GGACT: variants seen among roughly 807,000 people sequenced by gnomAD.
The protein encoded by GGACT is gamma-glutamylaminecyclotransferase.
For missense variants in GGACT, 241 were observed against 233.2 expected (o/e 1.03, Z -0.22); for synonymous variants, 118 against 115.3 (o/e 1.02, Z -0.15).
intron 2 of GGACT, among the ~76,000 whole-genome samples, chr13:100,553,146 G>A (rs1291565481): frequency 2.6e-5 from 4 of 152,202 alleles, no homozygotes; most frequent in South Asian, 4.1e-4. Flanking sequence ...AGAGCCGTTC[G>A]AGGGCACTAC....
Position 100,532,180 on chromosome 13 carries a change from C to G in GGACT, c.412G>C (p.Asp138His). 1.4e-6 allele frequency: 2 copies of G among 1,466,106 alleles called. No individual in the cohort carries two copies. The highest frequency in any genetic ancestry group is 1.8e-6 in the Non-Finnish European group (2 of 1,102,708). The allele number at this position is 1,466,106 out of a possible 1,614,324, so 90.8% of individuals were successfully genotyped here. A position where few individuals can be genotyped will look rare whatever the true frequency, so the allele number is the denominator to read the frequency against. The stretch of plus-strand genomic sequence containing the variant: ...CGCAGCCCGTGCGGCCCCTCGGAGT[C>G]GTAGCTGTCATGGTGCGGGAGCTGG... ...WAQLPHHDSY[D>H]SEGPHGLRYN... is the part of the protein sequence containing the mutation. Residue 138 changes from aspartate (D) to histidine (H), a missense_variant, in exon 3 of 3, where the codon GAC becomes CAC. Physicochemically the swap from Asp to His is moderately conservative, Grantham distance 81. Transcript: ENST00000683975.
At chr13:100,581,118 A>G (rs1875405005) in intron 2 of GGACT, among the ~76,000 whole-genome samples, 1 of 152,254 alleles carries the variant, frequency 6.6e-6, no homozygotes, top group African/African-American at 2.4e-5. Context: ...AGAAGTATTT[A>G]GTGATATGTG....
chr13:100,587,004 T>A (rs1465426773), intron 1 of GGACT: 1 of 152,190 alleles, frequency 6.6e-6, no homozygotes, highest in Admixed American at 6.5e-5. Flanking sequence ...AAATTCCTAA[T>A]AGAGTTTGCC....
chr13:100,532,012 C>G lies in GGACT; in HGVS notation c.*118G>C. ...ATCAGCTGCCACTGAAAGATTGGTT[C>G]CTTTCCGGCAGATTCATTGGAAAGG... On this transcript the variant is annotated 3_prime_UTR_variant, in exon 3 of 3. Transcript: ENST00000683975. 1.6e-6 allele frequency: 1 copy of G among 616,688 alleles called. No homozygotes were observed. Among genetic ancestry groups the G allele is most frequent in the Non-Finnish European group, 2.5e-6 (1 of 399,366 alleles). 38.2% of individuals were successfully genotyped at this position (616,688 alleles called of 1,614,324 possible).
intron 2 of GGACT, chr13:100,539,318 C>T (rs898538263): frequency 1.3e-5 from 2 of 152,436 alleles, no homozygotes; most frequent in African/African-American, 4.8e-5. Flanking sequence ...TCTGGCATCA[C>T]TGAGTATCAT....
At chr13:100,548,050 C>A (rs537992933) in intron 2 of GGACT, among the ~76,000 whole-genome samples, 20 of 152,352 alleles carry the variant, frequency 1.3e-4, no homozygotes, top group African/African-American at 4.3e-4. Flanking sequence ...TGTGGCTTGT[C>A]CCAGCCCGCT....
chr13:100,551,320 A>T (rs1397669790), intron 2 of GGACT, among the ~76,000 whole-genome samples: 1 of 152,088 alleles, frequency 6.6e-6, no homozygotes, highest in Non-Finnish European at 1.5e-5. Context: ...ATATATACAC[A>T]GACAGGATAA....
chr13:100,555,743 C>A (rs1462765195), intron 2 of GGACT, among the ~76,000 whole-genome samples: 1 of 152,002 alleles, frequency 6.6e-6, no homozygotes, highest in Admixed American at 6.6e-5. Context: ...GAGTCTTGAA[C>A]AAATACTAAC....
chr13:100,567,219 T>C (rs1279886700), intron 2 of GGACT, among the ~76,000 whole-genome samples: 2 of 152,254 alleles, frequency 1.3e-5, no homozygotes, highest in Non-Finnish European at 2.9e-5. Flanking sequence ...CCCTTTATAG[T>C]TAAGCATTTT....
chr13:100,532,413 C>G lies in GGACT; in HGVS notation c.179G>C (p.Gly60Ala). ...IPWLLHLPGS[G>A]RLVEGEVYAV... ...GTAGACCTCGCCCTCCACGAGGCGC[C>G]CCGAGCCGGGCAGGTGCAGCAGCCA... The change falls in exon 3 of 3, where the codon GGG (glycine) becomes GCG (alanine). Residue 60 changes from glycine (G) to alanine (A), a missense_variant. Gly to Ala is a moderately conservative substitution (Grantham distance 60, BLOSUM62 0). Coordinates refer to ENST00000683975, the MANE Select transcript of GGACT (RefSeq NM_001195087.2). 6.5e-7 allele frequency: 1 copy of G among 1,550,146 alleles called. No homozygotes were observed. Among genetic ancestry groups the G allele is most frequent in the Non-Finnish European group, 8.7e-7 (1 of 1,146,640 alleles).
chr13:100,575,277 G>C (rs952883292), intron 2 of GGACT, among the ~76,000 whole-genome samples: 10 of 152,302 alleles, frequency 6.6e-5, no homozygotes, highest in Admixed American at 5.9e-4. Context: ...TGTGTACCCA[G>C]AGACTTTCCC....
intron 2 of GGACT, among the ~76,000 whole-genome samples, chr13:100,546,108 G>C (rs987176174): frequency 2.0e-5 from 3 of 152,086 alleles, no homozygotes; most frequent in African/African-American, 7.2e-5. Flanking sequence ...CGCCTGTAAT[G>C]CCAGCACTTT....
chr13:100,578,641 C>T (rs1004623486), intron 2 of GGACT, among the ~76,000 whole-genome samples: 1 of 152,192 alleles, frequency 6.6e-6, no homozygotes, highest in African/African-American at 2.4e-5. Context: ...CCTCCAATGC[C>T]GTCAAACCAT....
chr13:100,544,551 G>A (rs988856843), intron 2 of GGACT, among the ~76,000 whole-genome samples: 3 of 152,180 alleles, frequency 2.0e-5, no homozygotes, highest in Non-Finnish European at 2.9e-5. Flanking sequence ...CCGGTAAAAC[G>A]CTGGCGCCTT....
intron 2 of GGACT, among the ~76,000 whole-genome samples, chr13:100,575,854 T>C (rs1168951645): frequency 2.0e-5 from 3 of 152,354 alleles, no homozygotes; most frequent in East Asian, 3.9e-4. Context: ...TGTTCTCATG[T>C]AATCAACTAT....
intron 1 of GGACT, among the ~76,000 whole-genome samples, chr13:100,587,318 A>C (rs114479925): frequency 0.016 from 2,488 of 152,294 alleles, 74 homozygotes; most frequent in African/African-American, 0.056. Flanking sequence ...CACCACAAAC[A>C]ACCACCCTCT....
At position 100,534,602 on chromosome 13, in the gene GGACT, G is replaced by A. The variant is rs2088464074; in HGVS notation, c.-10-2001C>T. On this transcript the variant is annotated intron_variant, in intron 2 of 2. Coordinates refer to ENST00000683975, the MANE Select transcript of GGACT (RefSeq NM_001195087.2). The surrounding 1 kb of genome is among the most constrained non-coding windows in gnomAD (Gnocchi z 4.9). ...ATCCCAAAAGACGAGCACCTGGGGG[G>A]CGATGATGGTTTGGATCCTGCTGTG... Among the ~76,000 whole-genome samples, 1 of 152,122 alleles carries A rather than the reference G, an allele frequency of 6.6e-6. No individual in the cohort carries two copies. Among genetic ancestry groups the A allele is most frequent in the Non-Finnish European group, 1.5e-5 (1 of 68,020 alleles).
At position 100,546,974 on chromosome 13, in the gene GGACT, A is replaced by T. The variant is rs572597588; in HGVS notation, c.-10-14373T>A. Among the ~76,000 whole-genome samples, 4 of 152,350 alleles carry T rather than the reference A, an allele frequency of 2.6e-5. No homozygotes were observed. The South Asian group carries it at 8.3e-4, about 32-fold the overall frequency. On this transcript the variant is annotated intron_variant, in intron 2 of 2. Coordinates refer to ENST00000683975, the MANE Select transcript of GGACT (RefSeq NM_001195087.2). ...TAGGCACTTCATAAATACTGCAGGA[A>T]GCCAAGGGGCCATCCCACTCAGCCC...
intron 2 of GGACT, among the ~76,000 whole-genome samples, chr13:100,583,504 T>C (rs1875476886): frequency 6.6e-6 from 1 of 152,164 alleles, no homozygotes; most frequent in East Asian, 1.9e-4. Flanking sequence ...TTCTCTACTA[T>C]TCTTTCCTTC....
Sources: allele counts gnomAD v4.1 joint callset (sites outside exome capture counted in the v4.1 genomes callset), GRCh38; gene constraint gnomAD v4.1.1; non-coding constraint Gnocchi (gnomAD v3.1); transcripts MANE v1.5; gene names NCBI Gene and HGNC (gene_info 2026-07-23, HGNC 2026-07-21).